The following VWF variants were observed in gnomAD, a reference collection of about 807,000 sequenced individuals.
The protein encoded by VWF is Factor VIII related antigen.
In VWF, 176 loss-of-function variants were observed where a neutral mutation model predicts 308.6. The observed-to-expected ratio is 0.57, with a 90% CI of 0.50 to 0.65. The LOEUF (loss-of-function observed/expected upper bound fraction) is 0.65, where lower values mean the gene tolerates loss of function less well. Ranked by LOEUF, VWF falls within the 30% of genes least tolerant of loss-of-function variation. The probability of loss-of-function intolerance (pLI) is 0.00; values close to 1 mark genes in which losing one functional copy is unlikely to be tolerated. For synonymous variants in VWF, 1,385 were observed against 1,443.4 expected (o/e 0.96, Z 0.92); for missense variants, 3,146 against 3,648.2 (o/e 0.86, Z 3.55).
At chr12:6,031,617 C>T (rs774307615) in intron 20 of VWF, 39 bp from the exon 21 acceptor site, 47 of 1,613,446 alleles carry the variant, frequency 2.9e-5, no homozygotes, top group Non-Finnish European at 3.4e-6. Context: ...CCATTATCCC[C>T]ACTGGCTCTC....
chr12:6,087,151 G>C (rs185195696), intron 6 of VWF, among the ~76,000 whole-genome samples: 2 of 152,104 alleles, frequency 1.3e-5, no homozygotes, highest in African/African-American at 4.8e-5. Flanking sequence ...CAATTGATGT[G>C]AGCTCCTGAG....
Position 5,982,042 on chromosome 12 carries a change from A to C in VWF, c.7082-51T>G. 3 of 1,577,018 alleles carry C rather than the reference A, an allele frequency of 1.9e-6. No individual in the cohort carries two copies. In the South Asian group the frequency reaches 3.3e-5, roughly 18 times the overall value. ...AGCACTGCGCCCAGCCAGGGCTCGT[A>C]AGTATTCAGCTATGCTATAGGGTGC... On this transcript the variant is annotated intron_variant, in intron 41 of 51. Coordinates refer to ENST00000261405, the MANE Select transcript of VWF (RefSeq NM_000552.5).
chr12:6,011,916 G>A, intron 33 of VWF, 122 bp from the exon 34 acceptor site: 2 of 1,209,106 alleles, frequency 1.7e-6, no homozygotes, highest in Non-Finnish European at 1.2e-6. Flanking sequence ...GAGGCCCCCT[G>A]TACATGAGAC....
chr12:5,984,069 T>C (rs1044409646), intron 40 of VWF, among the ~76,000 whole-genome samples: 1 of 152,148 alleles, frequency 6.6e-6, no homozygotes, highest in Non-Finnish European at 1.5e-5. Context: ...ATACTGATTA[T>C]TCTTATCATC....
intron 38 of VWF, among the ~76,000 whole-genome samples, chr12:5,990,895 AAAAAAAAAAAAAATT>A (rs1943733661): frequency 1.0e-4 from 6 of 59,778 alleles, no homozygotes; most frequent in Admixed American, 2.3e-4. Flanking sequence ...AAAAAAAAAA[AAAAAAAAAAAAAATT>A]TTGATGACTC....
At chr12:5,965,697 C>G (rs1490513110) in intron 47 of VWF, among the ~76,000 whole-genome samples, 1 of 152,196 alleles carries the variant, frequency 6.6e-6, no homozygotes, top group Non-Finnish European at 1.5e-5. Flanking sequence ...TTCAAGCCGA[C>G]CTACCTAGAC....
rs71064187 is a variant in VWF at position 6,092,614 on chromosome 12, T to TGAGTGAGAGAGAGAGAGAGA, written c.657+2845_657+2846insTCTCTCTCTCTCTCTCACTC. ...CATGCCCAGCTAGTTAGTGAGTGAG[T>TGAGTGAGAGAGAGAGAGAGA]GAGAGTGTGTGTGTGTGTGTGTGTG... is the stretch of plus-strand genomic sequence containing the variant. On this transcript the variant is annotated intron_variant, in intron 6 of 51. Coordinates refer to ENST00000261405, the MANE Select transcript of VWF (RefSeq NM_000552.5). Among the ~76,000 whole-genome samples, 725 of 85,976 alleles carry TGAGTGAGAGAGAGAGAGAGA rather than the reference T, an allele frequency of 8.4e-3. 18 individuals carry two copies. Among genetic ancestry groups the TGAGTGAGAGAGAGAGAGAGA allele is most frequent in the Middle Eastern group, 0.021 (4 of 190 alleles). The allele number at this position is 85,976 out of a possible 152,430, so 56.4% of individuals were successfully genotyped here.
At chr12:5,973,884 G>A (rs911398114) in intron 43 of VWF, among the ~76,000 whole-genome samples, 3 of 152,186 alleles carry the variant, frequency 2.0e-5, no homozygotes, top group African/African-American at 7.2e-5. Context: ...GTACAGAGGT[G>A]CAGGCCTCCT....
intron 47 of VWF, among the ~76,000 whole-genome samples, chr12:5,957,960 C>A (rs909077534): frequency 2.0e-5 from 3 of 151,922 alleles, no homozygotes; most frequent in African/African-American, 7.3e-5. Flanking sequence ...TGTATGACAA[C>A]AAATGTACAA....
At chr12:5,988,746 C>T (rs368335527) in intron 38 of VWF, among the ~76,000 whole-genome samples, 13 of 152,334 alleles carry the variant, frequency 8.5e-5, no homozygotes, top group East Asian at 3.9e-4. Flanking sequence ...TGCAGCAACG[C>T]GGCCGGCAGA....
intron 34 of VWF, among the ~76,000 whole-genome samples, chr12:6,006,091 T>C (rs564301530): frequency 6.6e-6 from 1 of 152,288 alleles, no homozygotes; most frequent in South Asian, 2.1e-4. Flanking sequence ...AAAAATATAA[T>C]TTGTGACATC....
At chr12:6,006,025 CA>C (rs78185077) in intron 34 of VWF, among the ~76,000 whole-genome samples, 4,187 of 152,142 alleles carry the variant, frequency 0.028, 119 homozygotes, top group East Asian at 0.15. Flanking sequence ...ACTTAAAAGA[CA>C]AACTTATAAA....
At chr12:6,122,673 T>C in intron 2 of VWF, 1 of 479,552 alleles carries the variant, frequency 2.1e-6, no homozygotes, top group South Asian at 1.5e-5. Flanking sequence ...AGGGCAGCAG[T>C]ATGATGCAGT....
At chr12:6,036,293 G>C in intron 19 of VWF, 95 bp downstream of exon 19, 2 of 1,054,838 alleles carry the variant, frequency 1.9e-6, no homozygotes, top group East Asian at 2.4e-5. Flanking sequence ...TCCCACAGGG[G>C]GCTGGAGGCA....
At chr12:6,055,732 A>G (rs58703790) in intron 15 of VWF, among the ~76,000 whole-genome samples, 3,705 of 148,682 alleles carry the variant, frequency 0.025, 119 homozygotes, top group African/African-American at 0.076. Flanking sequence ...TTCCAACAGG[A>G]CCATCTACTT....
intron 5 of VWF, chr12:6,095,786 G>T: frequency 1.5e-6 from 1 of 661,134 alleles, no homozygotes; most frequent in East Asian, 3.3e-5. Flanking sequence ...CAGGAGTTTT[G>T]ACTTGACCCA....
At chr12:6,036,965 G>A (rs75361962) in intron 18 of VWF, among the ~76,000 whole-genome samples, 2,376 of 152,234 alleles carry the variant, frequency 0.016, 63 homozygotes, top group African/African-American at 0.051. Flanking sequence ...ACACTTAATA[G>A]GAAAATGACT....
intron 43 of VWF, among the ~76,000 whole-genome samples, chr12:5,972,128 A>C (rs1329486563): frequency 6.6e-6 from 1 of 152,168 alleles, no homozygotes; most frequent in Admixed American, 6.5e-5. Context: ...CCCATACAAG[A>C]CGAACACTCG....
Position 6,017,877 on chromosome 12 carries a change from G to A in VWF, c.5053+488C>T, listed in dbSNP as rs140708993. 1.6e-3 allele frequency among the ~76,000 whole-genome samples: 242 copies of A among 152,258 alleles called. 1 individual carries two copies. Among genetic ancestry groups the A allele is most frequent in the African/African-American group, 5.6e-3 (234 of 41,550 alleles). On this transcript the variant is annotated intron_variant, in intron 28 of 51. Coordinates refer to ENST00000261405, the MANE Select transcript of VWF (RefSeq NM_000552.5). ...AGTCTGACTCCAGTGTCTGAAGACT[G>A]CACCTGCTACCTGACACCTGACATC...
Sources: gnomAD v4.1 joint callset for allele counts (sites outside exome capture counted in the v4.1 genomes callset) on GRCh38, gnomAD v4.1.1 for gene constraint, MANE v1.5 for transcripts, NCBI Gene and HGNC (gene_info 2026-07-23, HGNC 2026-07-21) for gene names.